Variants in IQCM observed in about 807,000 individuals in gnomAD.
IQCM encodes IQ motif containing M.
IQCM carries 45 observed loss-of-function variants against 57.6 expected under a neutral mutation model. The ratio of observed to expected loss-of-function variants is 0.78; its 90% CI spans 0.62 to 1.00. The LOEUF (loss-of-function observed/expected upper bound fraction) is 1.00. Ranked by LOEUF, IQCM falls within the 50% of genes least tolerant of loss-of-function variation. The pLI is 0.00. For synonymous variants in IQCM, 148 were observed against 158.9 expected (o/e 0.93, Z 0.51); for missense variants, 468 against 511.6 (o/e 0.91, Z 0.82).
intron 13 of IQCM, among the ~76,000 whole-genome samples, chr4:149,425,678 A>T (rs1244395589): frequency 6.6e-6 from 1 of 151,960 alleles, no homozygotes; most frequent in African/African-American, 2.4e-5. Context: ...TTTAAATGCT[A>T]AACTGGTCCA....
At chr4:149,473,770 A>G (rs1164001121) in intron 12 of IQCM, among the ~76,000 whole-genome samples, 2 of 152,156 alleles carry the variant, frequency 1.3e-5, no homozygotes, top group East Asian at 3.9e-4. Flanking sequence ...TGTGGCATAT[A>G]TACACCATGG....
At chr4:149,517,212 C>G (rs576134139) in intron 12 of IQCM, among the ~76,000 whole-genome samples, 7 of 151,666 alleles carry the variant, frequency 4.6e-5, no homozygotes, top group Non-Finnish European at 8.8e-5. Flanking sequence ...TCATCAGTTC[C>G]AGCTATGACC....
intron 2 of IQCM, among the ~76,000 whole-genome samples, chr4:149,778,568 T>C (rs1394604330): frequency 6.6e-6 from 1 of 151,890 alleles, no homozygotes; most frequent in Non-Finnish European, 1.5e-5. Context: ...AAAAACCCAA[T>C]TATTTGAAAA....
At chr4:149,550,033 CCTTA>C (rs1488316747) in intron 11 of IQCM, among the ~76,000 whole-genome samples, 1 of 152,192 alleles carries the variant, frequency 6.6e-6, no homozygotes, top group Non-Finnish European at 1.5e-5. Context: ...AACTCCTTGT[CCTTA>C]CTTCTGTGCA....
intron 7 of IQCM, among the ~76,000 whole-genome samples, chr4:149,629,960 C>G (rs1268888513): frequency 2.0e-5 from 2 of 102,554 alleles, no homozygotes; most frequent in South Asian, 7.0e-4. Flanking sequence ...CTCAATGGCA[C>G]CTTTTTGGGA....
chr4:149,724,551 A>C (rs924362927), intron 5 of IQCM, among the ~76,000 whole-genome samples: 2 of 151,920 alleles, frequency 1.3e-5, no homozygotes, highest in Non-Finnish European at 2.9e-5. Context: ...ACATATACAC[A>C]ATCACAAACA....
At chr4:149,367,765 G>T (rs892774503) in intron 13 of IQCM, among the ~76,000 whole-genome samples, 2 of 151,974 alleles carry the variant, frequency 1.3e-5, no homozygotes, top group Admixed American at 1.3e-4. Flanking sequence ...ATTTCTACCA[G>T]CAATGTGGAA....
intron 12 of IQCM, among the ~76,000 whole-genome samples, chr4:149,473,463 A>T (rs1739816595): frequency 6.6e-6 from 1 of 152,252 alleles, no homozygotes; most frequent in Admixed American, 6.5e-5. Context: ...ATCATTAAAA[A>T]GTCAGGAAAC....
intron 11 of IQCM, among the ~76,000 whole-genome samples, chr4:149,550,770 T>G (rs565612752): frequency 2.0e-5 from 3 of 152,324 alleles, no homozygotes; most frequent in African/African-American, 7.2e-5. Flanking sequence ...ATGAAGAATT[T>G]TCTAAGTAAC....
In IQCM at chr4:149,565,876, A is replaced by G. The variant is rs147629487; in HGVS notation, c.750-1986T>C. Among the ~76,000 whole-genome samples the G allele has an allele frequency of 9.0e-4, 137 of 152,286 alleles. 2 individuals are homozygous for G. Among genetic ancestry groups the G allele is most frequent in the African/African-American group, 3.1e-3 (127 of 41,582 alleles). The stretch of plus-strand genomic sequence containing the variant: ...ATTCTTATAACTGTAGCTCTTTTGT[A>G]TCAGTGGCTGATTCATTCTATCATT... On this transcript the variant is annotated intron_variant, in intron 9 of 13. Transcript: ENST00000636793.
At chr4:149,596,618 G>C (rs940370535) in intron 8 of IQCM, among the ~76,000 whole-genome samples, 1 of 152,108 alleles carries the variant, frequency 6.6e-6, no homozygotes, top group Non-Finnish European at 1.5e-5. Context: ...GAAAGAGAGA[G>C]ACTGTGAGAC....
chr4:149,378,322 A>C (rs1377492159), intron 13 of IQCM, among the ~76,000 whole-genome samples: 1 of 152,194 alleles, frequency 6.6e-6, no homozygotes, highest in East Asian at 1.9e-4. Context: ...CAGAGGTAGG[A>C]ACAGTTGGAG....
At chr4:149,814,344 C>A (rs1287209967) in intron 2 of IQCM, among the ~76,000 whole-genome samples, 1 of 151,944 alleles carries the variant, frequency 6.6e-6, no homozygotes, top group African/African-American at 2.4e-5. Flanking sequence ...GTAACTTCCT[C>A]CCCTTGAAAA....
At chr4:149,459,254 C>T (rs1738020701) in intron 12 of IQCM, among the ~76,000 whole-genome samples, 2 of 152,238 alleles carry the variant, frequency 1.3e-5, no homozygotes, top group Non-Finnish European at 2.9e-5. Context: ...GAGGTTATTA[C>T]ATTGCCTCCC....
At chr4:149,458,685 A>G (rs1737956217) in intron 12 of IQCM, among the ~76,000 whole-genome samples, 2 of 152,126 alleles carry the variant, frequency 1.3e-5, no homozygotes, top group Admixed American at 1.3e-4. Flanking sequence ...CTTATAGACA[A>G]GTTAGTTTGT....
chr4:149,434,685 G>C (rs749440531), intron 12 of IQCM, among the ~76,000 whole-genome samples: 1 of 151,990 alleles, frequency 6.6e-6, no homozygotes, highest in East Asian at 1.9e-4. Flanking sequence ...TGTCCTGCTT[G>C]TGAGGCTAGA....
At position 149,585,757 on chromosome 4, in the gene IQCM, A is replaced by G. The variant is rs368463670; in HGVS notation, c.749+2173T>C. On this transcript the variant is annotated intron_variant, in intron 9 of 13. Coordinates refer to ENST00000636793, the MANE Select transcript of IQCM (RefSeq NM_001363507.2). ...AGCATGACTGACTAAGAATATCACT[A>G]TGCTGTGAGGTGAGATTTAGATTCT... 3.8e-3 allele frequency among the ~76,000 whole-genome samples: 578 copies of G among 151,814 alleles called. 3 individuals carry two copies. Among genetic ancestry groups the G allele is most frequent in the South Asian group, 0.024 (116 of 4,828 alleles).
chr4:149,445,103 T>C (rs1209255898), intron 12 of IQCM, among the ~76,000 whole-genome samples: 2 of 151,878 alleles, frequency 1.3e-5, no homozygotes, highest in Non-Finnish European at 2.9e-5. Context: ...TCAAGAGACA[T>C]TTTGGTGACA....
chr4:149,405,668 T>C (rs2111150319), intron 13 of IQCM, among the ~76,000 whole-genome samples: 1 of 151,812 alleles, frequency 6.6e-6, no homozygotes. Flanking sequence ...AATGTTGAAA[T>C]ATGCTTCTGA....
Sources: allele counts gnomAD v4.1 joint callset (sites outside exome capture counted in the v4.1 genomes callset), GRCh38; gene constraint gnomAD v4.1.1; transcripts MANE v1.5; gene names NCBI Gene and HGNC (gene_info 2026-07-23, HGNC 2026-07-21).